The following SRRM3 variants were observed in gnomAD, a reference collection of about 807,000 sequenced individuals.
SRRM3 encodes serine/arginine repetitive matrix 3, also known as serine/arginine repetitive matrix protein 3.
SRRM3 carries 27 observed loss-of-function variants against 66.2 expected under a neutral mutation model. The ratio of observed to expected loss-of-function variants is 0.41; its 90% CI spans 0.30 to 0.56. The LOEUF (loss-of-function observed/expected upper bound fraction) is 0.56. SRRM3 is among the 20% of genes least tolerant of loss of function. The pLI is 0.32. For missense variants in SRRM3, 918 were observed against 991.9 expected (o/e 0.93, Z 1.00); for synonymous variants, 391 against 414.9 (o/e 0.94, Z 0.70).
At chr7:76,247,970 C>T (rs541270581) in intron 2 of SRRM3, among the ~76,000 whole-genome samples, 4 of 152,336 alleles carry the variant, frequency 2.6e-5, no homozygotes, top group Admixed American at 2.6e-4. Context: ...GCTGGGATTA[C>T]AGGCGAGAGC....
At position 76,235,107 on chromosome 7, in the gene SRRM3, C is replaced by T; in HGVS notation, c.41C>T (p.Ser14Phe). 6.3e-7 allele frequency: 1 copy of T among 1,587,770 alleles called. No individual in the cohort carries two copies. The highest frequency in any genetic ancestry group is 8.5e-7 in the Non-Finnish European group (1 of 1,172,234). The part of the protein sequence containing the change: ...TVNNGAASMQ[S>F]TPDAANGFPQ... ...AACAACGGGGCGGCCAGCATGCAGT[C>T]CACACCCGACGCCGCGAACGGCTTC... The change falls in exon 2 of 15, where the codon TCC becomes TTC. Residue 14 changes from serine (S) to phenylalanine (F), a missense_variant. Ser to Phe is a radical substitution (Grantham distance 155). Transcript: ENST00000611745.
At chr7:76,245,934 G>A (rs1259126909) in intron 2 of SRRM3, among the ~76,000 whole-genome samples, 9 of 152,014 alleles carry the variant, frequency 5.9e-5, no homozygotes, top group Non-Finnish European at 1.2e-4. Context: ...CTGACCTCAG[G>A]TGATCTGCCC....
chr7:76,214,866 C>T (rs1800518026), intron 1 of SRRM3, among the ~76,000 whole-genome samples: 1 of 152,068 alleles, frequency 6.6e-6, no homozygotes, highest in Non-Finnish European at 1.5e-5. Context: ...ACCTCAGCCT[C>T]TCAAAGTTCT....
intron 3 of SRRM3, among the ~76,000 whole-genome samples, chr7:76,255,148 CTTTT>C (rs57880700): frequency 1.1e-3 from 88 of 83,180 alleles, no homozygotes; most frequent in Middle Eastern, 0.016. Context: ...TTCTTTCTTT[CTTTT>C]TTTTTTTTTT....
At chr7:76,235,382 T>A in intron 2 of SRRM3, 83 bp downstream of exon 2, 1 of 1,175,166 alleles carries the variant, frequency 8.5e-7, no homozygotes, top group Non-Finnish European at 1.1e-6. Flanking sequence ...CACGTGGGCG[T>A]GGCGAACGTC....
intron 5 of SRRM3, 81 bp downstream of exon 5, chr7:76,260,278 A>T: frequency 9.2e-7 from 1 of 1,087,110 alleles, no homozygotes; most frequent in Non-Finnish European, 1.3e-6. Flanking sequence ...GCTCACAACC[A>T]TGCAGCATTT....
At chr7:76,243,006 G>A (rs6967229) in intron 2 of SRRM3, among the ~76,000 whole-genome samples, 12,015 of 152,130 alleles carry the variant, frequency 0.079, 1,131 homozygotes, top group African/African-American at 0.22. Flanking sequence ...CTCACTCATG[G>A]CCATGGGGAG....
chr7:76,202,095 A>C (rs76644252), intron 1 of SRRM3, 28 bp downstream of exon 1: 5,481 of 152,136 alleles, frequency 0.036, 233 homozygotes, highest in East Asian at 0.15. Context: ...GCGGGGGCAT[A>C]TCCCCGAGGG....
Position 76,287,046 on chromosome 7 carries a change from T to G in SRRM3, c.*1203T>G, listed in dbSNP as rs1802698843. Reference sequence around the variant, plus strand: ...AGGAAAGAGACTGAGGGCCCTGGCCTGGGGCGTCGATGGGGAAGCGGTGGC... The same window carrying G: ...AGGAAAGAGACTGAGGGCCCTGGCCGGGGGCGTCGATGGGGAAGCGGTGGC... On this transcript the variant is annotated 3_prime_UTR_variant, in exon 15 of 15. Transcript: ENST00000611745. The G allele has an allele frequency of 6.5e-6, 1 of 152,692 alleles. No individual in the cohort carries two copies. The highest frequency in any genetic ancestry group is 2.4e-5 in the African/African-American group (1 of 41,430). 9.5% of individuals were successfully genotyped at this position (152,692 alleles called of 1,614,324 possible).
At chr7:76,283,540 G>T (rs1802586943) in intron 14 of SRRM3, 1 of 457,686 alleles carries the variant, frequency 2.2e-6, no homozygotes, top group Admixed American at 2.4e-5. Context: ...CCTGCTGAGT[G>T]GCCTGTGGTC....
intron 1 of SRRM3, among the ~76,000 whole-genome samples, chr7:76,210,249 C>T (rs1583863926): frequency 6.6e-6 from 1 of 152,164 alleles, no homozygotes; most frequent in Non-Finnish European, 1.5e-5. Context: ...ACTGGCAGAA[C>T]CTCCAAGCCA....
At chr7:76,260,304 C>T (rs1583919307) in intron 5 of SRRM3, 107 bp downstream of exon 5, 1 of 835,434 alleles carries the variant, frequency 1.2e-6, no homozygotes, top group South Asian at 2.2e-5. Flanking sequence ...CCCCGCCCCT[C>T]TCTGAGCCCC....
At position 76,252,429 on chromosome 7, in the gene SRRM3, C is replaced by G. The variant is rs571654050; in HGVS notation, c.335+4140C>G. ...CTACGCTTCCCGGGTTCAAGTGATT[C>G]TCCTGCGTCAGCCTCCCAAGTAGCT... is the stretch of plus-strand genomic sequence containing the variant. On this transcript the variant is annotated intron_variant, in intron 3 of 14. Coordinates refer to ENST00000611745, the MANE Select transcript of SRRM3 (RefSeq NM_001110199.3). Among the ~76,000 whole-genome samples the G allele has an allele frequency of 2.0e-5, 3 of 152,304 alleles. No individual in the cohort carries two copies. In the South Asian group the frequency reaches 6.2e-4, roughly 32 times the overall value.
intron 5 of SRRM3, among the ~76,000 whole-genome samples, chr7:76,260,654 G>C (rs1801841274): frequency 1.3e-5 from 2 of 151,446 alleles, no homozygotes; most frequent in Admixed American, 6.6e-5. Flanking sequence ...GACCGGGCCC[G>C]TGTGTTACCA....
At chr7:76,260,302 C>T (rs1801823950) in intron 5 of SRRM3, 105 bp downstream of exon 5, 1 of 862,734 alleles carries the variant, frequency 1.2e-6, no homozygotes, top group African/African-American at 1.8e-5. Context: ...AGCCCCGCCC[C>T]TCTCTGAGCC....
chr7:76,273,440 C>A (rs1461042745), intron 11 of SRRM3: 1 of 152,226 alleles, frequency 6.6e-6, no homozygotes, highest in Non-Finnish European at 1.5e-5. Context: ...CCCCTCCCAT[C>A]CCTGGGATGA....
chr7:76,282,969 AG>A lies in SRRM3; in HGVS notation c.1603del (p.Asp535ThrfsTer64). On this transcript the variant is annotated frameshift_variant, in exon 14 of 15. Transcript: ENST00000611745. LOFTEE classifies it high-confidence loss of function. ...ACCTCGCGCCGGCCCCGCAGGGACA[AG>A]GACGGCGAGGGCCGCGCAAGGCACT... ...PSPKKPLSRD[K>X]DGEGRARHSE... The A allele has an allele frequency of 7.2e-7, 1 of 1,387,728 alleles. No homozygotes were observed. The highest frequency in any genetic ancestry group is 9.3e-7 in the Non-Finnish European group (1 of 1,075,186). The allele number at this position is 1,387,728 out of a possible 1,614,324, so 86.0% of individuals were successfully genotyped here. A position where few individuals can be genotyped will look rare whatever the true frequency, so the allele number is the denominator to read the frequency against.
intron 9 of SRRM3, 30 bp downstream of exon 9, chr7:76,264,845 C>T (rs369619153): frequency 6.2e-7 from 1 of 1,610,724 alleles, no homozygotes; most frequent in African/African-American, 1.3e-5. Flanking sequence ...TCCAGCCCCC[C>T]ATTCGTTCTC....
intron 1 of SRRM3, among the ~76,000 whole-genome samples, chr7:76,232,921 G>A (rs1801048728): frequency 6.6e-6 from 1 of 152,090 alleles, no homozygotes; most frequent in Non-Finnish European, 1.5e-5. Flanking sequence ...CAACCACAGA[G>A]AGGCAGTGGA....
Sources: gnomAD v4.1 joint callset for allele counts (sites outside exome capture counted in the v4.1 genomes callset) on GRCh38, gnomAD v4.1.1 for gene constraint, MANE v1.5 for transcripts, NCBI Gene and HGNC (gene_info 2026-07-23, HGNC 2026-07-21) for gene names.